The following ZNF831 variants were observed in gnomAD, a reference collection of about 807,000 sequenced individuals.
ZNF831 encodes the protein zinc finger protein 831.
A neutral mutation model predicts 95.8 loss-of-function variants in ZNF831; 59 were observed. The ratio of observed to expected loss-of-function variants is 0.62; its 90% CI spans 0.50 to 0.77. The LOEUF (loss-of-function observed/expected upper bound fraction) is 0.77, where lower values mean the gene tolerates loss of function less well. Among genes scored for constraint, ZNF831 ranks in the 30% least tolerant of loss-of-function variants. The pLI is 0.00. For synonymous variants in ZNF831, 961 were observed against 925.5 expected (o/e 1.04, Z -0.70); for missense variants, 2,205 against 2,164.0 (o/e 1.02, Z -0.38).
intron 4 of ZNF831, among the ~76,000 whole-genome samples, chr20:59,231,301 C>T (rs188067079): frequency 6.6e-6 from 1 of 152,274 alleles, no homozygotes; most frequent in Admixed American, 6.5e-5. Flanking sequence ...AACTTGCATG[C>T]TCTGCCACAT....
At chr20:59,135,146 C>A (rs1419800998) in intron 1 of ZNF831, among the ~76,000 whole-genome samples, 1 of 152,166 alleles carries the variant, frequency 6.6e-6, no homozygotes, top group Non-Finnish European at 1.5e-5. Context: ...TCACTGGGCT[C>A]ATGTTCTACT....
In ZNF831 at chr20:59,126,273, G is replaced by C. The variant is rs180702058; in HGVS notation, c.-1425+2768G>C. 2.0e-3 allele frequency among the ~76,000 whole-genome samples: 310 copies of C among 152,118 alleles called. 1 individual carries two copies. Among genetic ancestry groups the C allele is most frequent in the African/African-American group, 7.1e-3 (294 of 41,466 alleles). ...TTACCCTCCAAGGTGTTTATAACTTGCTGTAGGAACTCTTGGATTGTAAAA... is the reference window on the plus strand; with the variant it reads ...TTACCCTCCAAGGTGTTTATAACTTCCTGTAGGAACTCTTGGATTGTAAAA... On this transcript the variant is annotated intron_variant, in intron 1 of 7. Transcript: ENST00000637017.
In ZNF831 at chr20:59,194,588, G is replaced by T. The variant is rs754754083; in HGVS notation, c.3569G>T (p.Arg1190Leu). ...CGGCTCACGTGGTGTTGCCTGAGCC[G>T]CAGTGTCCCTCTGCCCGCGGAGCAG... ...EPRLTWCCLS[R>L]SVPLPAEQKA... Residue 1190 changes from arginine (R) to leucine (L), a missense_variant, in exon 2 of 6, where the codon CGC becomes CTC. Physicochemically the swap from Arg to Leu is moderately radical, Grantham distance 102. Transcript: ENST00000371030. 4 of 1,610,496 alleles carry T rather than the reference G, an allele frequency of 2.5e-6. No homozygotes were observed. Among genetic ancestry groups the T allele is most frequent in the South Asian group, 2.2e-5 (2 of 90,570 alleles).
chr20:59,170,913 C>T (rs1439782043), intron 1 of ZNF831, among the ~76,000 whole-genome samples: 1 of 152,168 alleles, frequency 6.6e-6, no homozygotes, highest in Non-Finnish European at 1.5e-5. Context: ...AGGCAATCTA[C>T]AACCAGAGAC....
chr20:59,254,473 G>A lies in ZNF831; in HGVS notation c.4764G>A (p.Thr1588=), dbSNP rs115600647. ...ACCACAAGGAAGGGAGACACAAGAC[G>A]TTTTTTCCTTCCAGAGGCCAGTATG... The part of the protein sequence containing the change: ...SSHHKEGRHK[T]FFPSRGQYGC... Residue 1588 remains threonine (T), a synonymous_variant, in exon 6 of 6, where the codon ACG becomes ACA. Coordinates refer to ENST00000371030, the MANE Select transcript of ZNF831 (RefSeq NM_178457.3). The surrounding 1 kb of genome is among the most constrained non-coding windows in gnomAD (Gnocchi z 4.5). 36 of 1,614,164 alleles carry A rather than the reference G, an allele frequency of 2.2e-5. No individual in the cohort carries two copies. The highest frequency in any genetic ancestry group is 1.8e-5 in the Non-Finnish European group (21 of 1,180,032).
rs752299327 is a variant in ZNF831, at chr20:59,192,393, G to A, written c.1374G>A (p.Ala458=). ...ACTCCTTCCACTTTGACATCCGCGC[G>A]CTGGAGCCAGGCCGTAGGAGGGCCC... ...YKDSFHFDIR[A]LEPGRRRAPG... Residue 458 remains alanine (A), a synonymous_variant, in exon 2 of 6, where the codon GCG becomes GCA. Transcript: ENST00000371030. The surrounding 1 kb of genome is among the most constrained non-coding windows in gnomAD (Gnocchi z 5.2). The A allele has an allele frequency of 8.1e-6, 13 of 1,611,862 alleles. No individual in the cohort carries two copies. The East Asian group carries it at 2.2e-4, about 28-fold the overall frequency.
chr20:59,215,086 T>C (rs1985589670), intron 4 of ZNF831, among the ~76,000 whole-genome samples: 1 of 152,242 alleles, frequency 6.6e-6, no homozygotes, highest in African/African-American at 2.4e-5. Context: ...TTCCATTAAC[T>C]GAGACCTGTT....
At chr20:59,216,958 AC>A (rs750474791) in intron 4 of ZNF831, among the ~76,000 whole-genome samples, 69 of 151,616 alleles carry the variant, frequency 4.6e-4, no homozygotes, top group Non-Finnish European at 8.5e-4. Context: ...AAAAAAAAAA[AC>A]TTGGCAAAAG....
chr20:59,146,696 C>T (rs1379806361), intron 2 of ZNF831: 2 of 152,276 alleles, frequency 1.3e-5, no homozygotes, highest in Non-Finnish European at 2.9e-5. Context: ...GCTGGCCCTT[C>T]CTCTCTAGAG....
chr20:59,239,840 C>T (rs112271981), intron 4 of ZNF831, among the ~76,000 whole-genome samples: 2 of 152,218 alleles, frequency 1.3e-5, no homozygotes, highest in Admixed American at 6.5e-5. Context: ...CCACCGCACC[C>T]GGCCATCTGT....
At position 59,194,453 on chromosome 20, in the gene ZNF831, C is replaced by G. The variant is rs1983918917; in HGVS notation, c.3434C>G (p.Pro1145Arg). The change falls in exon 2 of 6, where the codon CCA (proline) becomes CGA (arginine). Residue 1145 changes from proline to arginine, a missense_variant. Coordinates refer to ENST00000371030, the MANE Select transcript of ZNF831 (RefSeq NM_178457.3). ...CTCACTCGGCCTCAGGGTGTGCCCCCAGGCTGGCCAGAGCTGGCCTTGTCT... is the reference window on the plus strand; with the variant it reads ...CTCACTCGGCCTCAGGGTGTGCCCCGAGGCTGGCCAGAGCTGGCCTTGTCT... ...TALTRPQGVP[P>R]GWPELALSSH... is the part of the protein sequence containing the mutation. 1 of 1,613,092 alleles carries G rather than the reference C, an allele frequency of 6.2e-7. No individual in the cohort carries two copies. The highest frequency in any genetic ancestry group is 2.2e-5 in the East Asian group (1 of 44,860).
At chr20:59,212,486 A>G (rs949976157) in intron 4 of ZNF831, among the ~76,000 whole-genome samples, 10 of 152,170 alleles carry the variant, frequency 6.6e-5, no homozygotes, top group African/African-American at 2.4e-4. Context: ...TTAAATATCA[A>G]CTAAGGTGTA....
chr20:59,149,521 C>T (rs1386042626), intron 2 of ZNF831, among the ~76,000 whole-genome samples: 2 of 152,218 alleles, frequency 1.3e-5, no homozygotes, highest in Admixed American at 1.3e-4. Flanking sequence ...AAACTTTAAC[C>T]TTATACTCCA....
intron 1 of ZNF831, among the ~76,000 whole-genome samples, chr20:59,164,519 C>T (rs949133254): frequency 5.9e-5 from 9 of 151,986 alleles, no homozygotes; most frequent in African/African-American, 1.9e-4. Context: ...CAGTGATGAA[C>T]CTAATTAAAC....
Position 59,192,208 on chromosome 20 carries a change from C to A in ZNF831, c.1189C>A (p.Leu397Met). 1 of 1,584,530 alleles carries A rather than the reference C, an allele frequency of 6.3e-7. No homozygotes were observed. Among genetic ancestry groups the A allele is most frequent in the Non-Finnish European group, 8.6e-7 (1 of 1,166,470 alleles). ...CGAGCCCGGGGCGCGAGAAGCCGGCCTGGAGCTGGAGAAGAAGCGGCTGGA... is the reference window on the plus strand; with the variant it reads ...CGAGCCCGGGGCGCGAGAAGCCGGCATGGAGCTGGAGAAGAAGCGGCTGGA... ...GAEPGAREAGLELEKKRLEER... is the reference protein window; with the variant it reads ...GAEPGAREAGMELEKKRLEER... Residue 397 changes from leucine to methionine, a missense_variant, in exon 2 of 6, where the codon CTG becomes ATG. By Grantham distance (15) the Leu-to-Met change is conservative. Transcript: ENST00000371030. The surrounding 1 kb of genome is among the most constrained non-coding windows in gnomAD (Gnocchi z 5.2).
chr20:59,202,341 A>ATTTTTT (rs1568766087), intron 3 of ZNF831, among the ~76,000 whole-genome samples: 1 of 98,428 alleles, frequency 1.0e-5, no homozygotes, highest in African/African-American at 3.6e-5. Flanking sequence ...TTTTTTTTTA[A>ATTTTTT]AAAAAAAAAC....
At chr20:59,227,829 G>A (rs1448799945) in intron 4 of ZNF831, among the ~76,000 whole-genome samples, 2 of 151,798 alleles carry the variant, frequency 1.3e-5, no homozygotes, top group Non-Finnish European at 2.9e-5. Context: ...AAAAATACAA[G>A]CGCCATAATG....
In ZNF831 at chr20:59,254,388, A is replaced by G. The variant is rs774780337; in HGVS notation, c.4679A>G (p.Glu1560Gly). Residue 1560 changes from glutamate to glycine, a missense_variant, in exon 6 of 6, where the codon GAG (glutamate) becomes GGG (glycine). Glu to Gly is a moderately conservative substitution (Grantham distance 98, BLOSUM62 -2). Transcript: ENST00000371030. The surrounding 1 kb of genome is among the most constrained non-coding windows in gnomAD (Gnocchi z 4.5). Reference protein sequence around the residue: ...GQRISDSVPLESTEKTHLEIP... With the variant: ...GQRISDSVPLGSTEKTHLEIP... The stretch of plus-strand genomic sequence containing the variant: ...AGAATTTCAGATTCGGTTCCACTGG[A>G]GTCAACTGAAAAAACTCATCTTGAA... 3.7e-6 allele frequency: 6 copies of G among 1,614,174 alleles called. No homozygotes were observed. Among genetic ancestry groups the G allele is most frequent in the Non-Finnish European group, 5.1e-6 (6 of 1,180,038 alleles).
chr20:59,228,149 G>A (rs1053008074), intron 4 of ZNF831, among the ~76,000 whole-genome samples: 4 of 152,150 alleles, frequency 2.6e-5, no homozygotes, highest in Non-Finnish European at 1.5e-5. Flanking sequence ...GTTTACCTGT[G>A]ATGTAAGTTA....
Sources: allele counts gnomAD v4.1 joint callset (sites outside exome capture counted in the v4.1 genomes callset), GRCh38; gene constraint gnomAD v4.1.1; non-coding constraint Gnocchi (gnomAD v3.1); transcripts MANE v1.5; gene names NCBI Gene and HGNC (gene_info 2026-07-23, HGNC 2026-07-21).